The following DGLUCY variants were observed in gnomAD, a reference collection of about 807,000 sequenced individuals.
The protein encoded by DGLUCY is D-glutamate cyclase, mitochondrial.
A neutral mutation model predicts 58.5 loss-of-function variants in DGLUCY; 58 were observed. The ratio of observed to expected loss-of-function variants is 0.99; its 90% CI spans 0.80 to 1.23. DGLUCY has a LOEUF of 1.23. Among genes scored for constraint, DGLUCY ranks in the 50% most tolerant of loss-of-function variants. The pLI is 0.00. For missense variants in DGLUCY, 779 were observed against 784.7 expected (o/e 0.99, Z 0.09); for synonymous variants, 325 against 314.1 (o/e 1.03, Z -0.37).
chr14:91,205,842 CTTTTTTTTTTTTTT>C (rs36096639), intron 12 of DGLUCY, among the ~76,000 whole-genome samples: 1 of 70,698 alleles, frequency 1.4e-5, no homozygotes, highest in Non-Finnish European at 2.4e-5. Context: ...TCTTCTTCTT[CTTTTTTTTTTTTTT>C]TTTTTTTTTG....
intron 1 of DGLUCY, among the ~76,000 whole-genome samples, chr14:91,150,390 C>T (rs2140298305): frequency 6.6e-6 from 1 of 152,136 alleles, no homozygotes; most frequent in South Asian, 2.1e-4. Flanking sequence ...TTCAGCAACA[C>T]ATTGAAAAAT....
At chr14:91,188,815 C>T (rs1157969836) in intron 8 of DGLUCY, 95 bp from the exon 9 acceptor site, 17 of 1,374,868 alleles carry the variant, frequency 1.2e-5, no homozygotes, top group Non-Finnish European at 1.5e-5. Flanking sequence ...GATGACAGAG[C>T]AAAACCCTAT....
chr14:91,067,472 A>G (rs532761219), intron 1 of DGLUCY, among the ~76,000 whole-genome samples: 2 of 152,346 alleles, frequency 1.3e-5, no homozygotes, highest in African/African-American at 4.8e-5. Context: ...AACTGGCTCT[A>G]TCAAAACACT....
At chr14:91,160,752 C>T (rs2047936946) in intron 3 of DGLUCY, among the ~76,000 whole-genome samples, 1 of 152,188 alleles carries the variant, frequency 6.6e-6, no homozygotes, top group Non-Finnish European at 1.5e-5. Flanking sequence ...GATTTTGATT[C>T]AGACCAATTC....
At chr14:91,137,022 T>C (rs1472257247) in intron 1 of DGLUCY, among the ~76,000 whole-genome samples, 2 of 151,948 alleles carry the variant, frequency 1.3e-5, no homozygotes, top group East Asian at 3.9e-4. Context: ...ATTTTTATGC[T>C]TAGGTTCGCT....
chr14:91,184,363 G>T (rs938406742), intron 8 of DGLUCY, among the ~76,000 whole-genome samples: 1 of 151,550 alleles, frequency 6.6e-6, no homozygotes, highest in Non-Finnish European at 1.5e-5. Context: ...GGCCAATGTA[G>T]AGAGATCCTA....
chr14:91,151,308 C>G (rs1277509710), intron 1 of DGLUCY, among the ~76,000 whole-genome samples: 1 of 151,336 alleles, frequency 6.6e-6, no homozygotes, highest in South Asian at 2.1e-4. Context: ...GGCGTGATCT[C>G]GGCTCACTGC....
intron 9 of DGLUCY, chr14:91,189,824 T>C (rs556013589): frequency 6.5e-6 from 1 of 153,228 alleles, no homozygotes; most frequent in East Asian, 1.9e-4. Flanking sequence ...TTTTTCCTTT[T>C]AGCATTCAAA....
At position 91,176,207 on chromosome 14, in the gene DGLUCY, C is replaced by G. The variant is rs2048844348; in HGVS notation, c.730+151C>G. The G allele has an allele frequency of 9.2e-6, 9 of 973,658 alleles. No individual in the cohort carries two copies. The Admixed American group carries it at 2.8e-4, about 30-fold the overall frequency. 60.3% of individuals were successfully genotyped at this position (973,658 alleles called of 1,614,324 possible). ...AGAGGCCTACAGCTACAGTGAATCTCTCTCTGGTTTCCTTCTTTTATTTAT... is the reference window on the plus strand; with the variant it reads ...AGAGGCCTACAGCTACAGTGAATCTGTCTCTGGTTTCCTTCTTTTATTTAT... On this transcript the variant is annotated intron_variant, in intron 7 of 13. Transcript: ENST00000256324.
intron 1 of DGLUCY, among the ~76,000 whole-genome samples, chr14:91,064,226 C>T (rs2043780720): frequency 6.6e-6 from 1 of 152,042 alleles, no homozygotes; most frequent in Admixed American, 6.6e-5. Context: ...AATTAAGTAG[C>T]TATGTGGATA....
At chr14:91,202,366 C>A (rs1382351032) in intron 11 of DGLUCY, among the ~76,000 whole-genome samples, 1 of 152,110 alleles carries the variant, frequency 6.6e-6, no homozygotes, top group African/African-American at 2.4e-5. Context: ...GGTCTCAGGC[C>A]CTGGGGTAAT....
intron 1 of DGLUCY, among the ~76,000 whole-genome samples, chr14:91,119,467 C>T (rs1239283004): frequency 1.3e-5 from 2 of 152,198 alleles, no homozygotes; most frequent in Admixed American, 1.3e-4. Flanking sequence ...TACCTGAAGA[C>T]TCTTTCTCAC....
rs771553587 is a variant in DGLUCY, at chr14:91,175,972, G to A, written c.646G>A (p.Gly216Arg). The change falls in exon 7 of 14, where the codon GGG becomes AGG. Residue 216 changes from glycine to arginine, a missense_variant. Transcript: ENST00000256324. ...CAAAGAGCTTTCCAAACCTGCCTACGGGGATGCCATGGTGTGTCCCCCAGG... is the reference window on the plus strand; with the variant it reads ...CAAAGAGCTTTCCAAACCTGCCTACAGGGATGCCATGGTGTGTCCCCCAGG... The part of the protein sequence containing the change: ...GIKELSKPAY[G>R]DAMVCPPGEV... 2.7e-5 allele frequency: 44 copies of A among 1,613,874 alleles called. No homozygotes were observed. The highest frequency in any genetic ancestry group is 3.3e-4 in the Middle Eastern group (2 of 6,084).
chr14:91,164,081 C>T (rs1036736771), intron 3 of DGLUCY, among the ~76,000 whole-genome samples: 1 of 152,218 alleles, frequency 6.6e-6, no homozygotes. Flanking sequence ...TCCCAAGTAG[C>T]TGGGATTACA....
At chr14:91,197,102 G>A (rs565141274) in intron 10 of DGLUCY, among the ~76,000 whole-genome samples, 1 of 152,126 alleles carries the variant, frequency 6.6e-6, no homozygotes, top group Non-Finnish European at 1.5e-5. Context: ...AAGTAGCTGG[G>A]ATTACAGGCA....
intron 13 of DGLUCY, chr14:91,216,147 G>A (rs1886479588): frequency 5.5e-6 from 1 of 183,010 alleles, no homozygotes. Flanking sequence ...CTTAGTGATG[G>A]TTTGTGGGAG....
Position 91,160,413 on chromosome 14 carries a change from TAG to T in DGLUCY, c.103+17_103+18del. The stretch of plus-strand genomic sequence containing the variant: ...ATGGCTGGAGGTAAGTGGTGCCAGA[TAG>T]TTAAAAAAAAAAAAAAAAAAAAAAA... On this transcript the variant is annotated intron_variant, in intron 3 of 13. Coordinates refer to ENST00000256324, the MANE Select transcript of DGLUCY (RefSeq NM_001102368.3). 2.0e-5 allele frequency: 17 copies of T among 845,214 alleles called. No individual in the cohort carries two copies. Among genetic ancestry groups the T allele is most frequent in the Non-Finnish European group, 2.1e-5 (13 of 619,152 alleles). 52.4% of individuals were successfully genotyped at this position (845,214 alleles called of 1,614,324 possible).
chr14:91,184,310 G>T (rs569222480), intron 8 of DGLUCY, among the ~76,000 whole-genome samples: 4 of 151,890 alleles, frequency 2.6e-5, no homozygotes, highest in African/African-American at 9.6e-5. Flanking sequence ...TTGGGAGGCC[G>T]AGGTGGGAGG....
At chr14:91,077,287 CAA>C (rs1159617626) in intron 1 of DGLUCY, among the ~76,000 whole-genome samples, 2 of 133,672 alleles carry the variant, frequency 1.5e-5, no homozygotes, top group African/African-American at 5.7e-5. Flanking sequence ...GAGAGAGAAA[CAA>C]AGAGGAAAGA....
Sources: gnomAD v4.1 joint callset for allele counts (sites outside exome capture counted in the v4.1 genomes callset) on GRCh38, gnomAD v4.1.1 for gene constraint, MANE v1.5 for transcripts, NCBI Gene and HGNC (gene_info 2026-07-23, HGNC 2026-07-21) for gene names.